Variants in SMURF2 observed in about 807,000 individuals in gnomAD.
The protein encoded by SMURF2 is SMAD specific E3 ubiquitin protein ligase 2.
Under a neutral mutation model 109.6 loss-of-function variants are expected in SMURF2, and 48 were observed. The ratio of observed to expected loss-of-function variants is 0.44; its 90% CI spans 0.35 to 0.56. SMURF2 has a LOEUF of 0.56. SMURF2 is among the 20% of genes least tolerant of loss of function. The probability of loss-of-function intolerance (pLI) is 0.01; values close to 1 mark genes in which losing one functional copy is unlikely to be tolerated. For synonymous variants in SMURF2, 288 were observed against 317.1 expected, an observed-to-expected ratio of 0.91 and a Z score of 0.97; for missense variants, 575 against 909.0, an observed-to-expected ratio of 0.63 and a Z score of 4.72.
chr17:64,602,627 T>G (rs1331057779), intron 2 of SMURF2, among the ~76,000 whole-genome samples: 1 of 152,202 alleles, frequency 6.6e-6, no homozygotes, highest in Non-Finnish European at 1.5e-5. Context: ...GAGAACTTTC[T>G]GCATTTTAAA....
At chr17:64,558,651 G>A (rs1969162496) in intron 12 of SMURF2, among the ~76,000 whole-genome samples, 1 of 152,142 alleles carries the variant, frequency 6.6e-6, no homozygotes, top group African/African-American at 2.4e-5. Flanking sequence ...AAGGGCAAAC[G>A]TGCATTCTTT....
rs1352375123 is a variant in SMURF2, at chr17:64,662,021, G to C, written c.-141C>G. 3 of 1,113,962 alleles carry C rather than the reference G, an allele frequency of 2.7e-6. No homozygotes were observed. The highest frequency in any genetic ancestry group is 1.7e-5 in the African/African-American group (1 of 60,106). The allele number at this position is 1,113,962 out of a possible 1,614,324, so 69.0% of individuals were successfully genotyped here. The stretch of plus-strand genomic sequence containing the variant: ...ACGGCCGGAGGGTCCCGGATGTGCC[G>C]AGAGTCGTCGCCATGAGCCGCGGAG... On this transcript the variant is annotated 5_prime_UTR_variant, in exon 1 of 19. Coordinates refer to ENST00000262435, the MANE Select transcript of SMURF2 (RefSeq NM_022739.4).
At chr17:64,550,477 G>A (rs976811588) in intron 16 of SMURF2, among the ~76,000 whole-genome samples, 4 of 152,132 alleles carry the variant, frequency 2.6e-5, no homozygotes, top group Admixed American at 6.5e-5. Flanking sequence ...TAGTATGGCC[G>A]TTAATCTAAA....
At chr17:64,621,399 G>A (rs1970199324) in intron 1 of SMURF2, among the ~76,000 whole-genome samples, 1 of 152,032 alleles carries the variant, frequency 6.6e-6, no homozygotes, top group African/African-American at 2.4e-5. Context: ...GGCCGACATG[G>A]CAAAATCCCG....
chr17:64,605,277 C>G (rs1300881892), intron 2 of SMURF2, among the ~76,000 whole-genome samples: 2 of 152,028 alleles, frequency 1.3e-5, no homozygotes, highest in Admixed American at 1.3e-4. Flanking sequence ...TCCAAATTAT[C>G]CTATTTGCTT....
chr17:64,605,064 T>TA (rs200250514), intron 2 of SMURF2, among the ~76,000 whole-genome samples: 117 of 144,580 alleles, frequency 8.1e-4, no homozygotes, highest in Middle Eastern at 3.6e-3. Context: ...TATCAAAGGT[T>TA]AAAAAAAAAA....
At chr17:64,573,209 GGGGAGGAGGA>G (rs1969435661) in intron 9 of SMURF2, 1 of 18,186 alleles carries the variant, frequency 5.5e-5, no homozygotes, top group Non-Finnish European at 8.3e-5. Context: ...GGGAGGAGGA[GGGGAGGAGGA>G]GGGGAGGAGG....
chr17:64,601,614 T>TA (rs1969897476), intron 2 of SMURF2, among the ~76,000 whole-genome samples: 1 of 152,134 alleles, frequency 6.6e-6, no homozygotes, highest in South Asian at 2.1e-4. Flanking sequence ...TGTAAACTAG[T>TA]ACAACCACTA....
At chr17:64,601,181 G>A (rs1308718754) in intron 2 of SMURF2, among the ~76,000 whole-genome samples, 1 of 152,026 alleles carries the variant, frequency 6.6e-6, no homozygotes, top group Non-Finnish European at 1.5e-5. Context: ...GCTTGAGCCT[G>A]GGAGGCCGAG....
At chr17:64,626,841 A>G (rs1470163256) in intron 1 of SMURF2, among the ~76,000 whole-genome samples, 1 of 152,082 alleles carries the variant, frequency 6.6e-6, no homozygotes, top group Non-Finnish European at 1.5e-5. Context: ...AATTATAACT[A>G]TAAAATAGAC....
chr17:64,612,962 C>T (rs183478244), intron 1 of SMURF2, among the ~76,000 whole-genome samples: 13 of 152,224 alleles, frequency 8.5e-5, no homozygotes, highest in African/African-American at 2.4e-4. Flanking sequence ...TTGGTCAGAC[C>T]GCTATGCTTC....
intron 8 of SMURF2, among the ~76,000 whole-genome samples, chr17:64,578,794 A>G (rs1969535672): frequency 6.6e-6 from 1 of 152,358 alleles, no homozygotes; most frequent in East Asian, 1.9e-4. Context: ...TAAACAAACT[A>G]AACTTATAAC....
chr17:64,649,030 C>T (rs1270118641), intron 1 of SMURF2, among the ~76,000 whole-genome samples: 1 of 152,146 alleles, frequency 6.6e-6, no homozygotes, highest in Non-Finnish European at 1.5e-5. Flanking sequence ...AAGAAAGTTA[C>T]ATGTAAAGCC....
chr17:64,615,101 C>T (rs16947923), intron 1 of SMURF2, among the ~76,000 whole-genome samples: 3,687 of 152,190 alleles, frequency 0.024, 158 homozygotes, highest in African/African-American at 0.085. Flanking sequence ...AAAGAGAATG[C>T]TATGCTTGTT....
intron 1 of SMURF2, among the ~76,000 whole-genome samples, chr17:64,616,321 A>C (rs1395083229): frequency 6.6e-6 from 1 of 152,124 alleles, no homozygotes; most frequent in African/African-American, 2.4e-5. Flanking sequence ...GGAAACTGAG[A>C]TTCAGGCATA....
At chr17:64,656,593 T>G (rs902555470) in intron 1 of SMURF2, among the ~76,000 whole-genome samples, 6 of 151,902 alleles carry the variant, frequency 3.9e-5, no homozygotes, top group African/African-American at 1.5e-4. Flanking sequence ...AAATTACTCA[T>G]GAAACCTTAA....
At chr17:64,567,677 C>A (rs552036351) in intron 10 of SMURF2, among the ~76,000 whole-genome samples, 1 of 152,130 alleles carries the variant, frequency 6.6e-6, no homozygotes, top group African/African-American at 2.4e-5. Flanking sequence ...TTAAAAAAAT[C>A]TCATAATGTT....
intron 10 of SMURF2, 28 bp downstream of exon 10, chr17:64,571,770 T>G: frequency 6.3e-7 from 1 of 1,588,990 alleles, no homozygotes; most frequent in East Asian, 2.3e-5. Flanking sequence ...TAACTCCCAT[T>G]TTAACATGTA....
intron 1 of SMURF2, among the ~76,000 whole-genome samples, chr17:64,643,897 G>C (rs1320048923): frequency 1.3e-5 from 2 of 152,038 alleles, no homozygotes; most frequent in African/African-American, 4.8e-5. Flanking sequence ...TGTGATCTCG[G>C]CTCACTGCAG....
Sources: allele counts gnomAD v4.1 joint callset (sites outside exome capture counted in the v4.1 genomes callset), GRCh38; gene constraint gnomAD v4.1.1; transcripts MANE v1.5; gene names NCBI Gene and HGNC (gene_info 2026-07-23, HGNC 2026-07-21).